ITIH5: variants seen among roughly 807,000 people sequenced by gnomAD.
ITIH5 encodes the protein inter-alpha-trypsin inhibitor heavy chain H5.
Under a neutral mutation model 77.5 loss-of-function variants are expected in ITIH5, and 65 were observed. That is an observed-to-expected ratio of 0.84 (90% CI 0.69 to 1.03). The LOEUF is 1.03. Ranked by LOEUF, ITIH5 falls within the 50% of genes least tolerant of loss-of-function variation. The pLI is 0.00. For synonymous variants in ITIH5, 525 were observed against 494.3 expected (o/e 1.06, Z -0.82); for missense variants, 1,208 against 1,213.1 (o/e 1.00, Z 0.06).
chr10:7,591,000 G>A (rs1832783346), intron 7 of ITIH5, among the ~76,000 whole-genome samples: 1 of 152,186 alleles, frequency 6.6e-6, no homozygotes, highest in Admixed American at 6.5e-5. Flanking sequence ...GGGTTCAAGC[G>A]ATTCCCCTGC....
intron 9 of ITIH5, among the ~76,000 whole-genome samples, chr10:7,577,720 A>C (rs1272334300): frequency 6.6e-6 from 1 of 152,238 alleles, no homozygotes; most frequent in East Asian, 1.9e-4. Context: ...CCTAGAAACC[A>C]TAGGCTGTGG....
intron 1 of ITIH5, among the ~76,000 whole-genome samples, chr10:7,658,781 A>T (rs1156627753): frequency 6.6e-6 from 1 of 152,172 alleles, no homozygotes; most frequent in East Asian, 1.9e-4. Context: ...TGTGGAGACC[A>T]AAATTTTATC....
chr10:7,620,318 T>C (rs896672359), intron 5 of ITIH5: 1 of 152,226 alleles, frequency 6.6e-6, no homozygotes, highest in Non-Finnish European at 1.5e-5. Context: ...CCTCACAGTC[T>C]TCTTGAGTGA....
At chr10:7,626,300 C>T (rs935422466) in intron 5 of ITIH5, among the ~76,000 whole-genome samples, 17 of 152,188 alleles carry the variant, frequency 1.1e-4, no homozygotes, top group African/African-American at 1.7e-4. Context: ...GCCTCTGTGC[C>T]ACACTCTTGG....
intron 7 of ITIH5, among the ~76,000 whole-genome samples, chr10:7,614,744 AT>A (rs1267998082): frequency 6.6e-6 from 1 of 152,242 alleles, no homozygotes. Context: ...TCACTGCCAG[AT>A]TTTTAAAATA....
In ITIH5 at chr10:7,658,180, T is replaced by C. The variant is rs571925561; in HGVS notation, c.91-2505A>G. On this transcript the variant is annotated intron_variant, in intron 1 of 13. Coordinates refer to ENST00000397146, the MANE Select transcript of ITIH5 (RefSeq NM_030569.7). The stretch of plus-strand genomic sequence containing the variant: ...GCTAATCAATGGCTGTTACCTTTGA[T>C]TGACATCTTGTTCTTTAAACTTTTC... Among the ~76,000 whole-genome samples, 21 of 152,362 alleles carry C rather than the reference T, an allele frequency of 1.4e-4. 1 individual carries two copies. The South Asian group carries it at 4.4e-3, about 32-fold the overall frequency.
chr10:7,572,464 C>G, intron 11 of ITIH5: 1 of 1,322,880 alleles, frequency 7.6e-7, no homozygotes, highest in Non-Finnish European at 1.0e-6. Flanking sequence ...TTGGTAGCAC[C>G]ATTTTATGTT....
chr10:7,588,167 T>A (rs989795909), intron 7 of ITIH5, among the ~76,000 whole-genome samples: 1 of 152,230 alleles, frequency 6.6e-6, no homozygotes, highest in Admixed American at 6.5e-5. Flanking sequence ...GCGGATCACT[T>A]AAGGTCAGAA....
chr10:7,572,922 C>G (rs912758115), intron 11 of ITIH5: 32 of 468,290 alleles, frequency 6.8e-5, no homozygotes, highest in South Asian at 3.4e-4. Flanking sequence ...GAACTACAGG[C>G]CCCTGCCACC....
intron 2 of ITIH5, among the ~76,000 whole-genome samples, chr10:7,644,478 T>C (rs1833945139): frequency 9.1e-6 from 1 of 109,942 alleles, no homozygotes; most frequent in Non-Finnish European, 2.0e-5. Context: ...AGATCATATA[T>C]AATCACATAT....
chr10:7,562,726 C>T lies in ITIH5; in HGVS notation c.*357G>A, dbSNP rs1453086277. On this transcript the variant is annotated 3_prime_UTR_variant, in exon 14 of 14. Coordinates refer to ENST00000397146, the MANE Select transcript of ITIH5 (RefSeq NM_030569.7). ...GAAAAAAAGTTTCATAGCAACCTTCCTTCACCAGAAAGGCTTACTTTATGA... is the reference window on the plus strand; with the variant it reads ...GAAAAAAAGTTTCATAGCAACCTTCTTTCACCAGAAAGGCTTACTTTATGA... 9.4e-6 allele frequency: 2 copies of T among 213,666 alleles called. No homozygotes were observed. Among genetic ancestry groups the T allele is most frequent in the Non-Finnish European group, 9.4e-6 (1 of 105,912 alleles). 13.2% of individuals were successfully genotyped at this position (213,666 alleles called of 1,614,324 possible).
At position 7,629,302 on chromosome 10, in the gene ITIH5, TCCATGTTGTAGCGTGTGC is replaced by T. The variant is rs1564269712; in HGVS notation, c.652+7908_652+7925del. ...GCGTGTGTCCCTGTTGTAGCGTGTG[TCCATGTTGTAGCGTGTGC>T]CCATGTTGTAGCGTGTGCCCATGTT... On this transcript the variant is annotated intron_variant, in intron 5 of 13. Transcript: ENST00000397146. 6.2e-4 allele frequency among the ~76,000 whole-genome samples: 60 copies of T among 97,044 alleles called. 4 individuals carry two copies. The highest frequency in any genetic ancestry group is 6.6e-4 in the Non-Finnish European group (34 of 51,666). 63.7% of individuals were successfully genotyped at this position (97,044 alleles called of 152,430 possible).
intron 1 of ITIH5, among the ~76,000 whole-genome samples, chr10:7,664,497 G>A (rs562432748): frequency 5.7e-4 from 87 of 152,042 alleles, no homozygotes; most frequent in Non-Finnish European, 1.1e-3. Flanking sequence ...CAATGGAAGT[G>A]GAACTCAGGA....
chr10:7,571,524 C>A (rs2130947639), intron 11 of ITIH5: 1 of 152,344 alleles, frequency 6.6e-6, no homozygotes, highest in East Asian at 1.9e-4. Context: ...TCAAGCGATT[C>A]TCCTGCCTCA....
rs1438779289 is a variant in ITIH5, at chr10:7,640,830, C to T, written c.325G>A (p.Gly109Ser). The part of the protein sequence containing the change: ...TMLIGDKVYQ[G>S]EITEREKKSG... ...TTCTTTTCTCTCTCTGTAATTTCGC[C>T]CTGATACACCTTGTCTCCAATAAGC... The change falls in exon 4 of 14, where the codon GGC (glycine) becomes AGC (serine). Residue 109 changes from glycine (G) to serine (S), a missense_variant. Transcript: ENST00000397146. 2 of 1,612,808 alleles carry T rather than the reference C, an allele frequency of 1.2e-6. No individual in the cohort carries two copies. The highest frequency in any genetic ancestry group is 1.6e-4 in the Middle Eastern group (1 of 6,062).
intron 7 of ITIH5, among the ~76,000 whole-genome samples, chr10:7,602,287 C>G (rs1478732078): frequency 6.6e-6 from 1 of 152,224 alleles, no homozygotes; most frequent in East Asian, 1.9e-4. Flanking sequence ...ATCTGAATAC[C>G]TTCACCACCT....
intron 7 of ITIH5, among the ~76,000 whole-genome samples, chr10:7,600,216 G>A (rs1832987303): frequency 6.6e-6 from 1 of 152,188 alleles, no homozygotes; most frequent in Admixed American, 6.5e-5. Context: ...GGGGTAGGTT[G>A]GCTGAAGTTT....
intron 5 of ITIH5, among the ~76,000 whole-genome samples, chr10:7,631,514 A>G (rs555672563): frequency 6.6e-6 from 1 of 152,060 alleles, no homozygotes; most frequent in South Asian, 2.1e-4. Context: ...AAAGAAGATG[A>G]GATACCTAAT....
intron 11 of ITIH5, chr10:7,572,067 C>T: frequency 9.7e-7 from 1 of 1,033,518 alleles, no homozygotes; most frequent in Non-Finnish European, 1.2e-6. Flanking sequence ...AAAGTCATTA[C>T]TCCAGGCAGC....
Sources: gnomAD v4.1 joint callset for allele counts (sites outside exome capture counted in the v4.1 genomes callset) on GRCh38, gnomAD v4.1.1 for gene constraint, MANE v1.5 for transcripts, NCBI Gene and HGNC (gene_info 2026-07-23, HGNC 2026-07-21) for gene names.